The following PSMD2 variants were observed in gnomAD, a reference collection of about 807,000 sequenced individuals.
The protein encoded by PSMD2 is 26S proteasome non-ATPase regulatory subunit 2.
In PSMD2, 8 loss-of-function variants were observed where a neutral mutation model predicts 101.5. The ratio of observed to expected loss-of-function variants is 0.08; its 90% CI spans 0.05 to 0.14. The LOEUF (loss-of-function observed/expected upper bound fraction) is 0.14. Ranked by LOEUF, PSMD2 falls within the 10% of genes least tolerant of loss-of-function variation. The pLI is 1.00. For synonymous variants in PSMD2, 418 were observed against 433.8 expected, an observed-to-expected ratio of 0.96 and a Z score of 0.45; for missense variants, 784 against 1,147.4, an observed-to-expected ratio of 0.68 and a Z score of 4.58.
Position 184,303,908 on chromosome 3 carries a change from T to C in PSMD2, c.1324-39T>C, listed in dbSNP as rs372501138. On this transcript the variant is annotated intron_variant, in intron 10 of 20. Transcript: ENST00000310118. ...GTTGCATCCTTTGCGGTGAGGAAGA[T>C]AGAGTATCCTGAGTGAAGAATCTGT... 14 of 1,614,112 alleles carry C rather than the reference T, an allele frequency of 8.7e-6. No individual in the cohort carries two copies. The East Asian group carries it at 2.2e-4, about 26-fold the overall frequency.
chr3:184,305,349 C>T (rs573884926), intron 12 of PSMD2, among the ~76,000 whole-genome samples: 4 of 151,998 alleles, frequency 2.6e-5, no homozygotes, highest in Non-Finnish European at 5.9e-5. Flanking sequence ...ATTAGCTGGG[C>T]GTGGTGGCGC....
chr3:184,301,200 G>C (rs937815582), intron 3 of PSMD2, among the ~76,000 whole-genome samples: 6 of 151,958 alleles, frequency 3.9e-5, no homozygotes, highest in African/African-American at 1.5e-4. Context: ...GCTGGGTGTG[G>C]TGGTGGGCGC....
At chr3:184,302,290 ATTT>A in intron 5 of PSMD2, 77 bp from the exon 6 acceptor site, 1 of 1,403,494 alleles carries the variant, frequency 7.1e-7, no homozygotes. Flanking sequence ...GATATTTATT[ATTT>A]ATTTTGGGTA....
intron 2 of PSMD2, 71 bp downstream of exon 2, chr3:184,299,978 C>T: frequency 6.6e-6 from 9 of 1,366,108 alleles, no homozygotes; most frequent in African/African-American, 2.9e-5. Flanking sequence ...TTTTTTGAGG[C>T]AACTGCTATG....
rs774203419 is a variant in PSMD2, at chr3:184,304,421, A to G, written c.1539+30A>G. On this transcript the variant is annotated intron_variant, in intron 12 of 20. Coordinates refer to ENST00000310118, the MANE Select transcript of PSMD2 (RefSeq NM_002808.5). This position sits in a 1 kb window ranked among gnomAD's most constrained non-coding sequence, Gnocchi z 4.1. ...GTAGAGGCTATTGAGCATTTAGAGT[A>G]AGTAGGGAAGGTGCTTTGAGTCTTA... is the stretch of plus-strand genomic sequence containing the variant. 1.3e-6 allele frequency: 2 copies of G among 1,593,902 alleles called. No homozygotes were observed. Among genetic ancestry groups the G allele is most frequent in the South Asian group, 1.1e-5 (1 of 90,674 alleles).
rs1721640613 is a variant in PSMD2, at chr3:184,301,475, A to C, written c.358-62A>C. ...TCGGAGACAATGATCTTGATTCCAC[A>C]ATGCATGCTCCCTTTATGCTGGACT... On this transcript the variant is annotated intron_variant, in intron 3 of 20. Transcript: ENST00000310118. 5.1e-5 allele frequency: 81 copies of C among 1,588,286 alleles called. 1 individual carries two copies. The South Asian group carries it at 8.9e-4, about 17-fold the overall frequency.
At position 184,304,530 on chromosome 3, in the gene PSMD2, G is replaced by T; in HGVS notation, c.1539+139G>T. The T allele has an allele frequency of 6.0e-6, 5 of 827,362 alleles. No individual in the cohort carries two copies. Among genetic ancestry groups the T allele is most frequent in the Non-Finnish European group, 9.8e-6 (5 of 507,928 alleles). The allele number at this position is 827,362 out of a possible 1,614,324, so 51.3% of individuals were successfully genotyped here. A position where few individuals can be genotyped will look rare whatever the true frequency, so the allele number is the denominator to read the frequency against. ...TGCCTGTTGGTGTGTATTGAGGGGCGTCACCTCAGTGAAACCCCTTGATCT... is the reference window on the plus strand; with the variant it reads ...TGCCTGTTGGTGTGTATTGAGGGGCTTCACCTCAGTGAAACCCCTTGATCT... On this transcript the variant is annotated intron_variant, in intron 12 of 20. Transcript: ENST00000310118. This position sits in a 1 kb window ranked among gnomAD's most constrained non-coding sequence, Gnocchi z 4.1.
Position 184,308,369 on chromosome 3 carries a change from G to T in PSMD2, c.2426-80G>T. The T allele has an allele frequency of 8.6e-7, 1 of 1,162,458 alleles. No homozygotes were observed. The highest frequency in any genetic ancestry group is 2.3e-5 in the East Asian group (1 of 42,744). The allele number at this position is 1,162,458 out of a possible 1,614,324, so 72.0% of individuals were successfully genotyped here. ...GTATGACTGACGGGTTAAAGGGTCA[G>T]CGCTGAGGTGGGCTCTCAATGTTTC... On this transcript the variant is annotated intron_variant, in intron 19 of 20. Transcript: ENST00000310118. This position sits in a 1 kb window ranked among gnomAD's most constrained non-coding sequence, Gnocchi z 6.0.
intron 3 of PSMD2, among the ~76,000 whole-genome samples, chr3:184,301,117 T>G (rs988101556): frequency 6.6e-6 from 1 of 151,114 alleles, no homozygotes; most frequent in Non-Finnish European, 1.5e-5. Flanking sequence ...TCACCTGAGG[T>G]CAGGAGTTTT....
Position 184,307,919 on chromosome 3 carries a change from T to C in PSMD2, c.2328T>C (p.Leu776=). 1 of 1,614,118 alleles carries C rather than the reference T, an allele frequency of 6.2e-7. No homozygotes were observed. The highest frequency in any genetic ancestry group is 8.5e-7 in the Non-Finnish European group (1 of 1,180,012). The change falls in exon 19 of 21, where the codon CTT becomes CTC. Residue 776 remains leucine (L), a synonymous_variant. Coordinates refer to ENST00000310118, the MANE Select transcript of PSMD2 (RefSeq NM_002808.5). ...TGACACATTTAGGGAAGGGCACCCT[T>C]ACCCTCTGCCCCTACCACAGCGACC... ...QGLTHLGKGT[L]TLCPYHSDRQ...
chr3:184,304,030 T>C lies in PSMD2; in HGVS notation c.1407T>C (p.Tyr469=). The C allele has an allele frequency of 6.2e-7, 1 of 1,614,238 alleles. No individual in the cohort carries two copies. Among genetic ancestry groups the C allele is most frequent in the Non-Finnish European group, 8.5e-7 (1 of 1,180,040 alleles). ...CTGCTCTGGCACTGCTCTCAGACTATGTTCTCCACAACAGCAACACCATGA... is the reference window on the plus strand; with the variant it reads ...CTGCTCTGGCACTGCTCTCAGACTACGTTCTCCACAACAGCAACACCATGA... ...CDPALALLSD[Y]VLHNSNTMRL... The change falls in exon 11 of 21, where the codon TAT becomes TAC. Residue 469 remains tyrosine (Y), a synonymous_variant. Coordinates refer to ENST00000310118, the MANE Select transcript of PSMD2 (RefSeq NM_002808.5). This position sits in a 1 kb window ranked among gnomAD's most constrained non-coding sequence, Gnocchi z 4.1.
Position 184,302,347 on chromosome 3 carries a change from C to G in PSMD2, c.705-23C>G, listed in dbSNP as rs183802128. On this transcript the variant is annotated intron_variant, in intron 5 of 20. Transcript: ENST00000310118. ...ATGAGTGCCTGGGACTTTCTGAATT[C>G]TTTGTTACTTTTACTTTTGTAGTTG... 3.7e-6 allele frequency: 6 copies of G among 1,603,268 alleles called. No homozygotes were observed. The East Asian group carries it at 1.1e-4, about 30-fold the overall frequency.
At chr3:184,307,802 G>A (rs1657810323) in intron 18 of PSMD2, 88 bp from the exon 19 acceptor site, 1 of 1,605,696 alleles carries the variant, frequency 6.2e-7, no homozygotes, top group African/African-American at 1.3e-5. Context: ...GGAAAGATGT[G>A]ACCAAGTGGG....
intron 3 of PSMD2, among the ~76,000 whole-genome samples, chr3:184,301,060 G>A (rs1721626670): frequency 6.6e-6 from 1 of 152,012 alleles, no homozygotes; most frequent in Non-Finnish European, 1.5e-5. Flanking sequence ...GCTGGGTGTG[G>A]TGGCTCACAC....
rs767998041 is a variant in PSMD2 at position 184,302,030 on chromosome 3, T to C, written c.663T>C (p.Ile221=). ...IEQVDMLEKD[I]DENAYAKVCL... ...AGGTGGACATGCTGGAGAAGGACAT[T>C]GATGAAAATGCATATGCAAAGGTCT... Residue 221 remains isoleucine, a synonymous_variant, in exon 5 of 21, where the codon ATT becomes ATC. Transcript: ENST00000310118. 1.9e-6 allele frequency: 3 copies of C among 1,614,142 alleles called. No homozygotes were observed. Among genetic ancestry groups the C allele is most frequent in the Non-Finnish European group, 2.5e-6 (3 of 1,180,022 alleles).
In PSMD2 at chr3:184,302,543, A is replaced by G. The variant is rs1036529428; in HGVS notation, c.863+15A>G. The G allele has an allele frequency of 1.4e-5, 23 of 1,613,516 alleles. No individual in the cohort carries two copies. The highest frequency in any genetic ancestry group is 2.7e-5 in the African/African-American group (2 of 74,900). ...TGCAAGGATGTGTATGTAGGGAAGA[A>G]GCTGGCAAAGAGATAAGCTTACGAA... On this transcript the variant is annotated intron_variant, in intron 6 of 20. Transcript: ENST00000310118.
At position 184,302,695 on chromosome 3, in the gene PSMD2, A is replaced by C; in HGVS notation, c.880A>C (p.Met294Leu). The C allele has an allele frequency of 6.2e-7, 1 of 1,614,092 alleles. No individual in the cohort carries two copies. Among genetic ancestry groups the C allele is most frequent in the Non-Finnish European group, 8.5e-7 (1 of 1,180,040 alleles). ...SCKDVVVQKQ[M>L]AFMLGRHGVF... is the part of the protein sequence containing the mutation. Reference sequence around the variant, plus strand: ...TCTCCACAGGGTAGTACAGAAACAGATGGCATTCATGCTAGGCCGGCATGG... The same window carrying C: ...TCTCCACAGGGTAGTACAGAAACAGCTGGCATTCATGCTAGGCCGGCATGG... The change falls in exon 7 of 21, where the codon ATG becomes CTG. Residue 294 changes from methionine to leucine, a missense_variant. This residue lies in a region of PSMD2 where 208 missense variants were observed against 301.6 expected (regional missense o/e 0.69). Coordinates refer to ENST00000310118, the MANE Select transcript of PSMD2 (RefSeq NM_002808.5).
chr3:184,304,530 G>A lies in PSMD2; in HGVS notation c.1539+139G>A, dbSNP rs1276972371. ...TGCCTGTTGGTGTGTATTGAGGGGC[G>A]TCACCTCAGTGAAACCCCTTGATCT... On this transcript the variant is annotated intron_variant, in intron 12 of 20. Transcript: ENST00000310118. This position sits in a 1 kb window ranked among gnomAD's most constrained non-coding sequence, Gnocchi z 4.1. 17 of 827,256 alleles carry A rather than the reference G, an allele frequency of 2.1e-5. No homozygotes were observed. Among genetic ancestry groups the A allele is most frequent in the South Asian group, 1.1e-4 (7 of 63,906 alleles). 51.2% of individuals were successfully genotyped at this position (827,256 alleles called of 1,614,324 possible).
In PSMD2 at chr3:184,304,473, A is replaced by T. The variant is rs956192220; in HGVS notation, c.1539+82A>T. 1 of 1,434,268 alleles carries T rather than the reference A, an allele frequency of 7.0e-7. No individual in the cohort carries two copies. The highest frequency in any genetic ancestry group is 9.8e-7 in the Non-Finnish European group (1 of 1,018,816). 88.8% of individuals were successfully genotyped at this position (1,434,268 alleles called of 1,614,324 possible). ...TTTCTGTGATAAATAATGAAAAAGA[A>T]GTAAGTGTGTGCATGTGTGCATACA... On this transcript the variant is annotated intron_variant, in intron 12 of 20. Coordinates refer to ENST00000310118, the MANE Select transcript of PSMD2 (RefSeq NM_002808.5). The surrounding 1 kb of genome is among the most constrained non-coding windows in gnomAD (Gnocchi z 4.1).
Sources: allele counts gnomAD v4.1 joint callset (sites outside exome capture counted in the v4.1 genomes callset), GRCh38; gene constraint gnomAD v4.1.1; regional missense constraint gnomAD v4.1.1; non-coding constraint Gnocchi (gnomAD v3.1); transcripts MANE v1.5; gene names NCBI Gene and HGNC (gene_info 2026-07-23, HGNC 2026-07-21).